SHANK2: variants seen among roughly 807,000 people sequenced by gnomAD.
The protein encoded by SHANK2 is SH3 and multiple ankyrin repeat domains protein 2.
A neutral mutation model predicts 133.7 loss-of-function variants in SHANK2; 43 were observed. The observed-to-expected ratio is 0.32, with a 90% CI of 0.25 to 0.41. The LOEUF (loss-of-function observed/expected upper bound fraction) is 0.41, where lower values mean the gene tolerates loss of function less well. Among genes scored for constraint, SHANK2 ranks in the 10% least tolerant of loss-of-function variants. SHANK2 has a pLI of 1.00. For synonymous variants in SHANK2, 1,017 were observed against 952.8 expected (o/e 1.07, Z -1.24); for missense variants, 1,994 against 2,235.8 (o/e 0.89, Z 2.18).
chr11:70,709,842 A>T lies in SHANK2; in HGVS notation c.1778-11079T>A, dbSNP rs968450033. ...AGAGGCTGGGGAGAGAGGAGAGAAG[A>T]GGAGCCAGCCGCAGGCCTCAGGTCA... On this transcript the variant is annotated intron_variant, in intron 14 of 25. Transcript: ENST00000601538. Among the ~76,000 whole-genome samples, 10 of 150,270 alleles carry T rather than the reference A, an allele frequency of 6.7e-5. No individual in the cohort carries two copies. In the East Asian group the frequency reaches 1.0e-3, roughly 15 times the overall value.
In SHANK2 at chr11:71,063,714, C is replaced by T. The variant is rs887554119; in HGVS notation, c.1030-7156G>A. ...TGTATCTTATCTGACAGGTCTTTATCCTTTTAAATAATTCAGTGAAGTATA... is the reference window on the plus strand; with the variant it reads ...TGTATCTTATCTGACAGGTCTTTATTCTTTTAAATAATTCAGTGAAGTATA... On this transcript the variant is annotated intron_variant, in intron 9 of 25. Coordinates refer to ENST00000601538, the MANE Select transcript of SHANK2 (RefSeq NM_012309.5). Among the ~76,000 whole-genome samples, 3 of 152,282 alleles carry T rather than the reference C, an allele frequency of 2.0e-5. No individual in the cohort carries two copies. The East Asian group carries it at 5.8e-4, about 29-fold the overall frequency.
chr11:70,877,581 T>G (rs1464102116), intron 11 of SHANK2, among the ~76,000 whole-genome samples: 1 of 152,190 alleles, frequency 6.6e-6, no homozygotes, highest in Non-Finnish European at 1.5e-5. Flanking sequence ...GCTCTGGTTG[T>G]ACACATCCGA....
chr11:70,792,747 G>A lies in SHANK2; in HGVS notation c.1777+5696C>T, dbSNP rs1002771227. Among the ~76,000 whole-genome samples the A allele has an allele frequency of 3.9e-5, 6 of 152,110 alleles. No individual in the cohort carries two copies. In the East Asian group the frequency reaches 1.2e-3, roughly 29 times the overall value. ...TAAAAACATTTTGTACCATCTTCCAGATTCTATGTATATCCAAAGTCTTCT... is the reference window on the plus strand; with the variant it reads ...TAAAAACATTTTGTACCATCTTCCAAATTCTATGTATATCCAAAGTCTTCT... On this transcript the variant is annotated intron_variant, in intron 14 of 25. Coordinates refer to ENST00000601538, the MANE Select transcript of SHANK2 (RefSeq NM_012309.5).
At position 70,469,717 on chromosome 11, in the gene SHANK2, T is replaced by C. The variant is rs2058574730; in HGVS notation, c.*3152A>G. 2 of 152,674 alleles carry C rather than the reference T, an allele frequency of 1.3e-5. No homozygotes were observed. The highest frequency in any genetic ancestry group is 2.9e-5 in the Non-Finnish European group (2 of 68,044). The allele number at this position is 152,674 out of a possible 1,614,324, so 9.5% of individuals were successfully genotyped here. A position where few individuals can be genotyped will look rare whatever the true frequency, so the allele number is the denominator to read the frequency against. The stretch of plus-strand genomic sequence containing the variant: ...AGTCATTGCCAGATCAACTGGATAA[T>C]GCTTGCTTGTTCAATAACTGAGAAA... On this transcript the variant is annotated 3_prime_UTR_variant, in exon 26 of 26. Transcript: ENST00000601538.
In SHANK2 at chr11:70,485,357, G is replaced by A. The variant is rs782744554; in HGVS notation, c.4936C>T (p.Leu1646=). 1.5e-5 allele frequency: 25 copies of A among 1,613,922 alleles called. No homozygotes were observed. The highest frequency in any genetic ancestry group is 1.8e-5 in the Non-Finnish European group (21 of 1,179,990). The change falls in exon 25 of 26, where the codon CTG becomes TTG. Residue 1646 remains leucine (L), a synonymous_variant. Transcript: ENST00000601538. This position sits in a 1 kb window ranked among gnomAD's most constrained non-coding sequence, Gnocchi z 5.8. The part of the protein sequence containing the change: ...REKLAKPGEG[L]DSPMGAKSAS... Reference sequence around the variant, plus strand: ...GACTTGGCTCCCATTGGTGAATCCAGTCCTTCCCCCGGCTTTGCCAATTTC... The same window carrying A: ...GACTTGGCTCCCATTGGTGAATCCAATCCTTCCCCCGGCTTTGCCAATTTC...
At chr11:70,557,800 C>A (rs940568392) in intron 17 of SHANK2, among the ~76,000 whole-genome samples, 1 of 152,206 alleles carries the variant, frequency 6.6e-6, no homozygotes, top group African/African-American at 2.4e-5. Context: ...AACGGACAAG[C>A]GGCTTTCTTC....
At chr11:71,248,204 T>C (rs1555125294) in intron 1 of SHANK2, among the ~76,000 whole-genome samples, 1 of 152,200 alleles carries the variant, frequency 6.6e-6, no homozygotes, top group African/African-American at 2.4e-5. Context: ...AAGCCCAGCA[T>C]CAGTACTGGC....
chr11:71,143,802 G>A (rs545063274), intron 3 of SHANK2, among the ~76,000 whole-genome samples: 1 of 151,758 alleles, frequency 6.6e-6, no homozygotes, highest in African/African-American at 2.4e-5. Context: ...TTGACCTATG[G>A]TCAAACATGT....
chr11:70,598,469 T>C (rs532852607), intron 17 of SHANK2, among the ~76,000 whole-genome samples: 1 of 152,184 alleles, frequency 6.6e-6, no homozygotes. Flanking sequence ...GAGGCCCAGA[T>C]GGCTTTCTGA....
intron 14 of SHANK2, among the ~76,000 whole-genome samples, chr11:70,796,801 G>A (rs918536501): frequency 1.1e-4 from 16 of 152,170 alleles, no homozygotes; most frequent in African/African-American, 3.9e-4. Context: ...GACCAAAAAG[G>A]CTAAGACTAG....
At position 71,094,682 on chromosome 11, in the gene SHANK2, G is replaced by A; in HGVS notation, c.599C>T (p.Pro200Leu). 1 of 1,551,668 alleles carries A rather than the reference G, an allele frequency of 6.4e-7. No homozygotes were observed. The highest frequency in any genetic ancestry group is 8.7e-7 in the Non-Finnish European group (1 of 1,146,850). ...NFHDPETGET[P>L]LTLAAQLDDS... The stretch of plus-strand genomic sequence containing the variant: ...GTCCAGCTGAGCGGCTAAGGTCAGG[G>A]GGGTCTCTGAGGAACCCAAACACAC... The change falls in exon 7 of 26, where the codon CCC becomes CTC. Residue 200 changes from proline to leucine, a missense_variant. This residue lies in a region of SHANK2 where 653 missense variants were observed against 563.4 expected (regional missense o/e 1.16). Coordinates refer to ENST00000601538, the MANE Select transcript of SHANK2 (RefSeq NM_012309.5).
chr11:70,940,860 A>C (rs1950637866), intron 10 of SHANK2, among the ~76,000 whole-genome samples: 2 of 152,158 alleles, frequency 1.3e-5, no homozygotes, highest in Admixed American at 1.3e-4. Flanking sequence ...GCTTAAATGA[A>C]CAAGCACCAC....
intron 17 of SHANK2, among the ~76,000 whole-genome samples, chr11:70,577,917 C>T (rs942591626): frequency 5.3e-5 from 8 of 152,330 alleles, no homozygotes; most frequent in African/African-American, 1.9e-4. Context: ...AGGACACTGA[C>T]ACACTGGTGG....
intron 17 of SHANK2, among the ~76,000 whole-genome samples, chr11:70,586,829 C>A (rs903493538): frequency 9.2e-5 from 14 of 152,214 alleles, no homozygotes; most frequent in Admixed American, 1.3e-4. Context: ...CTCACCCCCC[C>A]AGAGTGGGCA....
intron 17 of SHANK2, among the ~76,000 whole-genome samples, chr11:70,552,774 T>A (rs782411845): frequency 7.9e-5 from 12 of 152,094 alleles, no homozygotes; most frequent in Non-Finnish European, 1.5e-4. Flanking sequence ...CTTACACACG[T>A]GTCTCAGGAC....
chr11:71,147,042 A>G (rs1169945164), intron 3 of SHANK2, 78 bp downstream of exon 3: 2 of 1,251,934 alleles, frequency 1.6e-6, no homozygotes, highest in African/African-American at 3.0e-5. Context: ...TCCGGGGAGG[A>G]CCAGAGCAGG....
At chr11:70,536,702 G>C (rs540091182) in intron 17 of SHANK2, among the ~76,000 whole-genome samples, 1 of 152,194 alleles carries the variant, frequency 6.6e-6, no homozygotes, top group Non-Finnish European at 1.5e-5. Context: ...TGGACATTTC[G>C]TGAAAATGGA....
chr11:70,631,944 A>G (rs1359620396), intron 17 of SHANK2: 1 of 152,240 alleles, frequency 6.6e-6, no homozygotes, highest in Non-Finnish European at 1.5e-5. Context: ...ATTTTCTATC[A>G]AATATATTAC....
chr11:70,690,488 G>GTTTTTTTTTTTTTTTTT lies in SHANK2; in HGVS notation c.1853+8183_1853+8199dup, dbSNP rs35737323. ...ATCATCATAATGTAATACTTCCCATGTTTTTTTTTTTTTTTTTTTTTTTTT... is the reference window on the plus strand; with the variant it reads ...ATCATCATAATGTAATACTTCCCATGTTTTTTTTTTTTTTTTTTTTTTTTTTTTTTTTTTTTTTTTTT... On this transcript the variant is annotated intron_variant, in intron 15 of 25. Transcript: ENST00000601538. 1.8e-4 allele frequency among the ~76,000 whole-genome samples: 6 copies of GTTTTTTTTTTTTTTTTT among 32,802 alleles called. 2 individuals carry two copies. The highest frequency in any genetic ancestry group is 4.9e-3 in the South Asian group (2 of 412). The allele number at this position is 32,802 out of a possible 152,430, so 21.5% of individuals were successfully genotyped here. A position where few individuals can be genotyped will look rare whatever the true frequency, so the allele number is the denominator to read the frequency against.
Sources: gnomAD v4.1 joint callset for allele counts (sites outside exome capture counted in the v4.1 genomes callset) on GRCh38, gnomAD v4.1.1 for gene constraint, gnomAD v4.1.1 regional missense constraint, Gnocchi (gnomAD v3.1) non-coding constraint, MANE v1.5 for transcripts, NCBI Gene and HGNC (gene_info 2026-07-23, HGNC 2026-07-21) for gene names.